The following EEF2K variants were observed in gnomAD, a reference collection of about 807,000 sequenced individuals.
EEF2K encodes the protein alternative protein EEF2K.
Under a neutral mutation model 93.8 loss-of-function variants are expected in EEF2K, and 70 were observed. The ratio of observed to expected loss-of-function variants is 0.75; its 90% CI spans 0.62 to 0.91. The LOEUF is 0.91. Among genes scored for constraint, EEF2K ranks in the 40% least tolerant of loss-of-function variants. The pLI is 0.00. For synonymous variants in EEF2K, 376 were observed against 380.8 expected, an observed-to-expected ratio of 0.99 and a Z score of 0.15; for missense variants, 935 against 972.9, an observed-to-expected ratio of 0.96 and a Z score of 0.52.
chr16:22,232,567 G>C (rs11649104), intron 2 of EEF2K, among the ~76,000 whole-genome samples: 60,137 of 151,960 alleles, frequency 0.4, 13,495 homozygotes, highest in East Asian at 0.87. Context: ...CAGGCTTTCT[G>C]CTCTGCCTTC....
At chr16:22,252,152 A>T (rs927728072) in intron 6 of EEF2K, among the ~76,000 whole-genome samples, 1 of 152,202 alleles carries the variant, frequency 6.6e-6, no homozygotes, top group African/African-American at 2.4e-5. Context: ...ATCCTCAATT[A>T]CAGATGGGAT....
chr16:22,215,984 G>A lies in EEF2K; in HGVS notation c.-77+9305G>A, dbSNP rs74554015. On this transcript the variant is annotated intron_variant, in intron 1 of 17. Transcript: ENST00000263026. ...AGTTCATGTTGAGCACCTGTGCACTGAAGGCAATACAAGGTATGGGGGGAG... is the reference window on the plus strand; with the variant it reads ...AGTTCATGTTGAGCACCTGTGCACTAAAGGCAATACAAGGTATGGGGGGAG... Among the ~76,000 whole-genome samples, 445 of 152,274 alleles carry A rather than the reference G, an allele frequency of 2.9e-3. 13 individuals carry two copies. In the East Asian group the frequency reaches 0.067, roughly 23 times the overall value.
intron 2 of EEF2K, among the ~76,000 whole-genome samples, chr16:22,233,053 A>G (rs776231443): frequency 6.6e-6 from 1 of 152,350 alleles, no homozygotes; most frequent in South Asian, 2.1e-4. Flanking sequence ...GACGTGGCAG[A>G]ACCATTCAGG....
chr16:22,265,719 C>G (rs1046146730), intron 13 of EEF2K, among the ~76,000 whole-genome samples: 1 of 152,222 alleles, frequency 6.6e-6, no homozygotes, highest in Non-Finnish European at 1.5e-5. Flanking sequence ...AACGTGCACA[C>G]GCACAGCTGC....
chr16:22,216,526 A>G (rs1044595799), intron 1 of EEF2K, among the ~76,000 whole-genome samples: 3 of 152,186 alleles, frequency 2.0e-5, no homozygotes, highest in Non-Finnish European at 4.4e-5. Context: ...CCTTCTCTGA[A>G]TTCGTGTTAA....
intron 6 of EEF2K, among the ~76,000 whole-genome samples, chr16:22,251,623 C>T (rs754320046): frequency 3.2e-4 from 48 of 151,692 alleles, no homozygotes; most frequent in Non-Finnish European, 5.9e-4. Flanking sequence ...TGTGGTTTCA[C>T]CATGTTGGCC....
chr16:22,245,221 T>C (rs994417646), intron 3 of EEF2K, among the ~76,000 whole-genome samples: 7 of 152,250 alleles, frequency 4.6e-5, no homozygotes, highest in South Asian at 4.1e-4. Context: ...TGAGCTGATA[T>C]AGCACTGCTG....
At chr16:22,257,815 C>G (rs751623854) in intron 9 of EEF2K, 45 bp downstream of exon 9, 1 of 1,601,480 alleles carries the variant, frequency 6.2e-7, no homozygotes, top group Non-Finnish European at 8.5e-7. Flanking sequence ...GGCCCTTCTG[C>G]TACTTGCAAA....
At chr16:22,213,536 A>ACTT (rs895180382) in intron 1 of EEF2K, among the ~76,000 whole-genome samples, 1 of 152,164 alleles carries the variant, frequency 6.6e-6, no homozygotes. Flanking sequence ...GCTCTTCAGG[A>ACTT]CTTCGTTAGT....
intron 16 of EEF2K, among the ~76,000 whole-genome samples, chr16:22,274,209 A>G (rs916339865): frequency 6.6e-6 from 1 of 152,074 alleles, no homozygotes; most frequent in African/African-American, 2.4e-5. Flanking sequence ...TTGGGAGGCC[A>G]AGGAGGGCAG....
Position 22,284,031 on chromosome 16 carries a change from CG to C in EEF2K, c.*38del. ...TCACTGCCGGCTAGTCCCAAGCAAA[CG>C]GGCTAGGAGGAAAGATTAAAAAAAC... On this transcript the variant is annotated 3_prime_UTR_variant, in exon 18 of 18. Coordinates refer to ENST00000263026, the MANE Select transcript of EEF2K (RefSeq NM_013302.5). 1 of 1,524,982 alleles carries C rather than the reference CG, an allele frequency of 6.6e-7. No homozygotes were observed. Among genetic ancestry groups the C allele is most frequent in the Non-Finnish European group, 8.9e-7 (1 of 1,122,648 alleles). 94.5% of individuals were successfully genotyped at this position (1,524,982 alleles called of 1,614,324 possible).
chr16:22,249,583 G>A (rs2047328834), intron 4 of EEF2K, among the ~76,000 whole-genome samples: 1 of 151,736 alleles, frequency 6.6e-6, no homozygotes, highest in Admixed American at 6.6e-5. Context: ...CTATTTTTTT[G>A]CTTCATATAA....
At chr16:22,224,925 C>T (rs1349958565) in intron 1 of EEF2K, among the ~76,000 whole-genome samples, 1 of 151,606 alleles carries the variant, frequency 6.6e-6, no homozygotes, top group African/African-American at 2.4e-5. Flanking sequence ...TGCACTCCAG[C>T]CTGGGTGACA....
intron 1 of EEF2K, among the ~76,000 whole-genome samples, chr16:22,209,277 C>A (rs1428567639): frequency 6.6e-6 from 1 of 152,168 alleles, no homozygotes; most frequent in Non-Finnish European, 1.5e-5. Flanking sequence ...AGTGATCCAC[C>A]CGCCTCCCAA....
chr16:22,237,589 G>A (rs534011227), intron 2 of EEF2K, among the ~76,000 whole-genome samples: 5 of 151,174 alleles, frequency 3.3e-5, no homozygotes, highest in Admixed American at 1.3e-4. Flanking sequence ...CTGCACTGCA[G>A]GCTGCGCAAC....
At position 22,288,726 on chromosome 16, in the gene EEF2K, T is replaced by C. The variant is rs1373618503; in HGVS notation, c.*4730T>C. ...TTTTCTCTTTACAAATAAAGTGTTT[T>C]CTTTCTTTTCTGTCTCAGACTCAAA... On this transcript the variant is annotated 3_prime_UTR_variant, in exon 18 of 18. Coordinates refer to ENST00000263026, the MANE Select transcript of EEF2K (RefSeq NM_013302.5). The C allele has an allele frequency of 1.3e-5, 2 of 151,912 alleles. No homozygotes were observed. The highest frequency in any genetic ancestry group is 6.6e-5 in the Admixed American group (1 of 15,234). The allele number at this position is 151,912 out of a possible 1,614,324, so 9.4% of individuals were successfully genotyped here. A position where few individuals can be genotyped will look rare whatever the true frequency, so the allele number is the denominator to read the frequency against.
chr16:22,250,062 A>G (rs2047333770), intron 4 of EEF2K, among the ~76,000 whole-genome samples: 1 of 151,876 alleles, frequency 6.6e-6, no homozygotes, highest in Non-Finnish European at 1.5e-5. Flanking sequence ...GATTACAGGC[A>G]TGAACCACTG....
chr16:22,254,607 A>G (rs977877192), intron 6 of EEF2K, among the ~76,000 whole-genome samples: 1 of 152,214 alleles, frequency 6.6e-6, no homozygotes, highest in Non-Finnish European at 1.5e-5. Context: ...TTTACAAACC[A>G]TATGCACTAT....
At chr16:22,275,106 C>T (rs1598206747) in intron 16 of EEF2K, among the ~76,000 whole-genome samples, 1 of 152,118 alleles carries the variant, frequency 6.6e-6, no homozygotes, top group East Asian at 1.9e-4. Flanking sequence ...TCAGTGTATA[C>T]ATATGGTGCC....
Sources: gnomAD v4.1 joint callset for allele counts (sites outside exome capture counted in the v4.1 genomes callset) on GRCh38, gnomAD v4.1.1 for gene constraint, MANE v1.5 for transcripts, NCBI Gene and HGNC (gene_info 2026-07-23, HGNC 2026-07-21) for gene names.